Variants in NANOS3 observed in about 807,000 individuals in gnomAD.
NANOS3 encodes nanos C2HC-type zinc finger 3, also known as nanos homolog 3.
In NANOS3, 11 loss-of-function variants were observed where a neutral mutation model predicts 13.8. The ratio of observed to expected loss-of-function variants is 0.80; its 90% confidence interval spans 0.50 to 1.32. The LOEUF (loss-of-function observed/expected upper bound fraction) is 1.32. Among genes scored for constraint, NANOS3 ranks in the 40% most tolerant of loss-of-function variants. The probability of loss-of-function intolerance (pLI) is 0.00; values close to 1 mark genes in which losing one functional copy is unlikely to be tolerated. For synonymous variants in NANOS3, 119 were observed against 115.4 expected (o/e 1.03, Z -0.20); for missense variants, 221 against 263.8 (o/e 0.84, Z 1.12).
At chr19:13,871,932 G>A (rs985836843) in intron 1 of NANOS3, among the ~76,000 whole-genome samples, 5 of 152,122 alleles carry the variant, frequency 3.3e-5, no homozygotes, top group Admixed American at 1.3e-4. Flanking sequence ...CTGGGAGGTC[G>A]AGGCTGCAGT....
At chr19:13,879,792 A>G (rs1035186610) in intron 1 of NANOS3, among the ~76,000 whole-genome samples, 2 of 151,948 alleles carry the variant, frequency 1.3e-5, no homozygotes, top group Non-Finnish European at 2.9e-5. Flanking sequence ...GGGGAAGCTG[A>G]GGCAGGTGGA....
chr19:13,872,750 C>G (rs150286923), upstream of NANOS3, among the ~76,000 whole-genome samples: 1,945 of 152,338 alleles, frequency 0.013, 45 homozygotes, highest in African/African-American at 0.044. Flanking sequence ...CAGGCCCCCC[C>G]ACTCCACAGC....
At chr19:13,865,203 G>T (rs1183705034), upstream of NANOS3, among the ~76,000 whole-genome samples, 2 of 149,698 alleles carry the variant, frequency 1.3e-5, no homozygotes, top group African/African-American at 4.9e-5. Context: ...CGGCAGCGGG[G>T]AGCGCGGGCA....
upstream of NANOS3, among the ~76,000 whole-genome samples, chr19:13,876,308 T>G (rs574451070): frequency 9.4e-5 from 14 of 149,194 alleles, no homozygotes; most frequent in Admixed American, 4.0e-4. Flanking sequence ...CCAGCTAATT[T>G]TGTGTGTGTG....
chr19:13,868,350 C>G (rs922707033), intron 1 of NANOS3, among the ~76,000 whole-genome samples: 2 of 151,944 alleles, frequency 1.3e-5, no homozygotes, highest in African/African-American at 4.8e-5. Flanking sequence ...TGAGCCAGTG[C>G]GTCCGGCCCC....
chr19:13,879,383 C>T (rs1968582484), intron 1 of NANOS3, among the ~76,000 whole-genome samples: 1 of 152,208 alleles, frequency 6.6e-6, no homozygotes, highest in Non-Finnish European at 1.5e-5. Flanking sequence ...AGGATAGTGA[C>T]TGGGAGAGGA....
chr19:13,865,929 C>A (rs960220917), intron 1 of NANOS3, among the ~76,000 whole-genome samples: 1 of 151,788 alleles, frequency 6.6e-6, no homozygotes, highest in South Asian at 2.1e-4. Flanking sequence ...TACGGCCCGG[C>A]GCGCGCGCGT....
At chr19:13,874,900 G>A (rs771594258), upstream of NANOS3, 1 of 526,734 alleles carries the variant, frequency 1.9e-6, no homozygotes, top group Non-Finnish European at 3.9e-6. Context: ...CCACAGCCGA[G>A]GTCACAATCA....
Position 13,880,387 on chromosome 19 carries a change from G to T in NANOS3, c.518-55G>T, listed in dbSNP as rs113998673. 454 of 1,561,422 alleles carry T rather than the reference G, an allele frequency of 2.9e-4. No homozygotes were observed. In the African/African-American group the frequency reaches 5.4e-3, roughly 18 times the overall value. On this transcript the variant is annotated intron_variant, in intron 1 of 1. Transcript: ENST00000339133. Reference sequence around the variant, plus strand: ...GAGGCCGAGTCCGTGGGCAACTTGGGGAGCGTTGAGTCATCGCCTGTGATT... The same window carrying T: ...GAGGCCGAGTCCGTGGGCAACTTGGTGAGCGTTGAGTCATCGCCTGTGATT...
At chr19:13,863,048 T>A (rs144953981), upstream of NANOS3, among the ~76,000 whole-genome samples, 867 of 152,284 alleles carry the variant, frequency 5.7e-3, 5 homozygotes, top group Non-Finnish European at 9.1e-3. Context: ...AAGAGAATAG[T>A]CCCTGCCTCA....
At chr19:13,868,772 TA>T (rs954419738) in intron 1 of NANOS3, among the ~76,000 whole-genome samples, 7 of 151,488 alleles carry the variant, frequency 4.6e-5, no homozygotes, top group South Asian at 2.1e-4. Flanking sequence ...GACTGGATGA[TA>T]CAGACTCCAG....
chr19:13,875,192 T>TCCC (rs1360359390), upstream of NANOS3, among the ~76,000 whole-genome samples: 101 of 151,538 alleles, frequency 6.7e-4, no homozygotes, highest in African/African-American at 2.2e-3. Context: ...AATCCCCTTT[T>TCCC]TTTTTTTTTT....
chr19:13,874,196 C>T (rs1389496966), upstream of NANOS3, among the ~76,000 whole-genome samples: 1 of 152,202 alleles, frequency 6.6e-6, no homozygotes, highest in African/African-American at 2.4e-5. Context: ...CCCCCAAGCG[C>T]TCCACTCACG....
At chr19:13,873,461 G>T (rs868296106), upstream of NANOS3, among the ~76,000 whole-genome samples, 2 of 151,982 alleles carry the variant, frequency 1.3e-5, no homozygotes, top group South Asian at 2.1e-4. Flanking sequence ...AATGCCAGGG[G>T]CCAGGAAATT....
chr19:13,871,810 T>G (rs1450530661), intron 1 of NANOS3, among the ~76,000 whole-genome samples: 2 of 148,210 alleles, frequency 1.3e-5, no homozygotes, highest in Non-Finnish European at 3.0e-5. Flanking sequence ...CATAGTGAGA[T>G]CTCATCTCTA....
Position 13,880,696 on chromosome 19 carries a change from G to A in NANOS3, c.*193G>A, listed in dbSNP as rs1210176182. 6.8e-6 allele frequency: 4 copies of A among 590,244 alleles called. No homozygotes were observed. Among genetic ancestry groups the A allele is most frequent in the Non-Finnish European group, 1.2e-5 (4 of 331,368 alleles). The allele number at this position is 590,244 out of a possible 1,614,324, so 36.6% of individuals were successfully genotyped here. A position where few individuals can be genotyped will look rare whatever the true frequency, so the allele number is the denominator to read the frequency against. ...GACCCCACCCTTTGTGCCATCTGCCGTTTCCCTAGTGCTGGGCATCCAGTC... is the reference window on the plus strand; with the variant it reads ...GACCCCACCCTTTGTGCCATCTGCCATTTCCCTAGTGCTGGGCATCCAGTC... On this transcript the variant is annotated 3_prime_UTR_variant, in exon 2 of 2. Transcript: ENST00000339133.
chr19:13,874,693 A>T, upstream of NANOS3: 1 of 530,334 alleles, frequency 1.9e-6, no homozygotes, highest in South Asian at 1.4e-5. Context: ...CCCCGACTCC[A>T]GGTCCCGGAA....
At chr19:13,865,412 G>C (rs1008115614), upstream of NANOS3, 2 of 147,292 alleles carry the variant, frequency 1.4e-5, no homozygotes, top group Non-Finnish European at 3.0e-5. Context: ...AGAAGAGGGG[G>C]AAATGCGGCG....
chr19:13,871,337 A>G (rs530396489), intron 1 of NANOS3, among the ~76,000 whole-genome samples: 3 of 152,288 alleles, frequency 2.0e-5, no homozygotes, highest in African/African-American at 7.2e-5. Context: ...TCCGACCCAG[A>G]CAGACGACCC....
Sources: allele counts gnomAD v4.1 joint callset (sites outside exome capture counted in the v4.1 genomes callset), GRCh38; gene constraint gnomAD v4.1.1; transcripts MANE v1.5; gene names NCBI Gene and HGNC (gene_info 2026-07-23, HGNC 2026-07-21).